Variants in ANGPTL6 observed in about 807,000 individuals in gnomAD.
ANGPTL6 encodes the protein angiopoietin-related protein 6.
ANGPTL6 carries 45 observed loss-of-function variants against 47.4 expected under a neutral mutation model. That is an observed-to-expected ratio of 0.95 (90% CI 0.75 to 1.22). ANGPTL6 has a LOEUF of 1.22. ANGPTL6 is among the 50% of genes most tolerant of loss of function. The pLI is 0.00. For missense variants in ANGPTL6, 698 were observed against 669.4 expected (o/e 1.04, Z -0.47); for synonymous variants, 290 against 295.9 (o/e 0.98, Z 0.20).
At position 10,096,496 on chromosome 19, in the gene ANGPTL6, C is replaced by G; in HGVS notation, c.68G>C (p.Gly23Ala). The change falls in exon 2 of 6, where the codon GGC becomes GCC. Residue 23 changes from glycine (G) to alanine (A), a missense_variant. Coordinates refer to ENST00000253109, the MANE Select transcript of ANGPTL6 (RefSeq NM_031917.3). ...GAAGGTGTAGGTGCAGCGCGGGGCG[C>G]CCGCCCGCGCCCACGACGCGCCCAG... ...LLLGASWARA[G>A]APRCTYTFVL... The G allele has an allele frequency of 6.6e-7, 1 of 1,512,478 alleles. No homozygotes were observed. The highest frequency in any genetic ancestry group is 8.8e-7 in the Non-Finnish European group (1 of 1,137,318). 93.7% of individuals were successfully genotyped at this position (1,512,478 alleles called of 1,614,324 possible).
At chr19:10,103,551 CCGCA>C (rs2088732302), upstream of ANGPTL6, among the ~76,000 whole-genome samples, 1 of 150,600 alleles carries the variant, frequency 6.6e-6, no homozygotes, top group Admixed American at 6.6e-5. Context: ...GATCGAGCAA[CCGCA>C]TGCACTCCAG....
intron 1 of ANGPTL6, among the ~76,000 whole-genome samples, chr19:10,098,654 A>G (rs1366891328): frequency 1.3e-5 from 2 of 152,042 alleles, no homozygotes; most frequent in Non-Finnish European, 2.9e-5. Context: ...GTGAAACCCC[A>G]TCTCTACTGA....
chr19:10,099,563 C>A (rs2088629216), intron 1 of ANGPTL6, among the ~76,000 whole-genome samples: 1 of 108,914 alleles, frequency 9.2e-6, no homozygotes, highest in South Asian at 3.1e-4. Flanking sequence ...GGCAACAGAG[C>A]AAGACTCCAT....
At position 10,093,847 on chromosome 19, in the gene ANGPTL6, G is replaced by C; in HGVS notation, c.797C>G (p.Ala266Gly). Reference protein sequence around the residue: ...PWQDCAEARQAGHEQSGVYEL... With the variant: ...PWQDCAEARQGGHEQSGVYEL... ...ATACACTCCACTCTGTTCATGGCCT[G>C]CCTGGCGGGCCTCTGCACAATCCTG... The change falls in exon 4 of 6, where the codon GCA (alanine) becomes GGA (glycine). Residue 266 changes from alanine to glycine, a missense_variant. Transcript: ENST00000253109. The C allele has an allele frequency of 6.2e-7, 1 of 1,611,192 alleles. No individual in the cohort carries two copies. Among genetic ancestry groups the C allele is most frequent in the Non-Finnish European group, 8.5e-7 (1 of 1,180,030 alleles).
chr19:10,093,994 A>G, intron 3 of ANGPTL6, 114 bp from the exon 4 acceptor site: 2 of 1,126,146 alleles, frequency 1.8e-6, no homozygotes, highest in Non-Finnish European at 2.5e-6. Context: ...TGCCTCTCCC[A>G]CTTTTCTACC....
At chr19:10,102,121 A>G (rs2088696521) in intron 1 of ANGPTL6, among the ~76,000 whole-genome samples, 2 of 149,186 alleles carry the variant, frequency 1.3e-5, no homozygotes, top group South Asian at 4.2e-4. Flanking sequence ...GTCTCAAAAA[A>G]AAAAAAAAAA....
At chr19:10,095,916 G>A (rs896410721) in intron 2 of ANGPTL6, 66 bp downstream of exon 2, 1 of 968,260 alleles carries the variant, frequency 1.0e-6, no homozygotes, top group Non-Finnish European at 1.4e-6. Flanking sequence ...GTGGATAAGA[G>A]ATCGTGGGGT....
At chr19:10,103,401 C>G (rs536252903), upstream of ANGPTL6, among the ~76,000 whole-genome samples, 2 of 151,416 alleles carry the variant, frequency 1.3e-5, no homozygotes, top group Non-Finnish European at 3.0e-5. Flanking sequence ...ACCATCCTTG[C>G]CAACATGCTA....
chr19:10,102,860 G>T, upstream of ANGPTL6: 1 of 799,218 alleles, frequency 1.3e-6, no homozygotes, highest in Non-Finnish European at 1.5e-6. Context: ...ACAGGTCAGT[G>T]TCCTGGACAT....
At chr19:10,104,631 T>C (rs10421370), upstream of ANGPTL6, among the ~76,000 whole-genome samples, 6,206 of 152,192 alleles carry the variant, frequency 0.041, 409 homozygotes, top group African/African-American at 0.14. Context: ...GCATTGGAAC[T>C]ATGCTTTCAT....
At chr19:10,102,312 C>A (rs765936425) in intron 1 of ANGPTL6, among the ~76,000 whole-genome samples, 2 of 151,366 alleles carry the variant, frequency 1.3e-5, no homozygotes, top group Non-Finnish European at 3.0e-5. Flanking sequence ...ACATTTACTT[C>A]TGGACTCAGA....
Position 10,096,539 on chromosome 19 carries a change from G to C in ANGPTL6, c.25C>G (p.Leu9Val). Residue 9 changes from leucine (L) to valine (V), a missense_variant, in exon 2 of 6, where the codon CTA (leucine) becomes GTA (valine). Leu to Val is a conservative substitution (Grantham distance 32, BLOSUM62 1). Coordinates refer to ENST00000253109, the MANE Select transcript of ANGPTL6 (RefSeq NM_031917.3). The stretch of plus-strand genomic sequence containing the variant: ...GCGCCCAGCAGGAGCAGCAGCTGTA[G>C]CGCACGCAGCCAGGGCTTCCCCATC... The part of the protein sequence containing the change: MGKPWLRA[L>V]QLLLLLGASW... 1 of 1,514,820 alleles carries C rather than the reference G, an allele frequency of 6.6e-7. No individual in the cohort carries two copies. Among genetic ancestry groups the C allele is most frequent in the Non-Finnish European group, 8.8e-7 (1 of 1,138,246 alleles). 93.8% of individuals were successfully genotyped at this position (1,514,820 alleles called of 1,614,324 possible). A position where few individuals can be genotyped will look rare whatever the true frequency, so the allele number is the denominator to read the frequency against.
At position 10,093,503 on chromosome 19, in the gene ANGPTL6, T is replaced by C. The variant is rs1276555894; in HGVS notation, c.1068A>G (p.Gly356=). The C allele has an allele frequency of 1.2e-6, 2 of 1,614,044 alleles. No homozygotes were observed. Among genetic ancestry groups the C allele is most frequent in the African/African-American group, 2.7e-5 (2 of 74,932 alleles). The change falls in exon 5 of 6, where the codon GGA becomes GGG. Residue 356 remains glycine, a synonymous_variant. Coordinates refer to ENST00000253109, the MANE Select transcript of ANGPTL6 (RefSeq NM_031917.3). ...AGAAGCCATCATAGTGGGCACGTGC[T>C]CCACGGCCCCCCCAGTCCTCCAGGA... is the stretch of plus-strand genomic sequence containing the variant. ...LVLLEDWGGR[G]ARAHYDGFSL...
In ANGPTL6 at chr19:10,096,892, G is replaced by A. The variant is rs2088559057; in HGVS notation, c.-10-319C>T. On this transcript the variant is annotated intron_variant, in intron 1 of 5. Coordinates refer to ENST00000253109, the MANE Select transcript of ANGPTL6 (RefSeq NM_031917.3). ...GAGGATCGCTTGAGACCAGGAGTTC[G>A]AGACCAGCCTGGGCAACATGGGGAG... is the stretch of plus-strand genomic sequence containing the variant. 2.7e-5 allele frequency among the ~76,000 whole-genome samples: 4 copies of A among 149,306 alleles called. No individual in the cohort carries two copies. In the South Asian group the frequency reaches 6.4e-4, roughly 24 times the overall value.
At chr19:10,105,676 G>GTGCC (rs2088802530), upstream of ANGPTL6, among the ~76,000 whole-genome samples, 1 of 151,964 alleles carries the variant, frequency 6.6e-6, no homozygotes, top group Non-Finnish European at 1.5e-5. Context: ...AGAGAGCAAG[G>GTGCC]AGGGAGAGGA....
Position 10,096,533 on chromosome 19 carries a change from G to A in ANGPTL6, c.31C>T (p.Leu11=). 6.6e-7 allele frequency: 1 copy of A among 1,515,698 alleles called. No individual in the cohort carries two copies. Among genetic ancestry groups the A allele is most frequent in the South Asian group, 1.2e-5 (1 of 83,138 alleles). The allele number at this position is 1,515,698 out of a possible 1,614,324, so 93.9% of individuals were successfully genotyped here. A position where few individuals can be genotyped will look rare whatever the true frequency, so the allele number is the denominator to read the frequency against. The part of the protein sequence containing the change: MGKPWLRALQ[L]LLLLGASWAR... Reference sequence around the variant, plus strand: ...CACGACGCGCCCAGCAGGAGCAGCAGCTGTAGCGCACGCAGCCAGGGCTTC... The same window carrying A: ...CACGACGCGCCCAGCAGGAGCAGCAACTGTAGCGCACGCAGCCAGGGCTTC... Residue 11 remains leucine (L), a synonymous_variant, in exon 2 of 6, where the codon CTG becomes TTG. Transcript: ENST00000253109.
At chr19:10,102,738 G>A, upstream of ANGPTL6, 2 of 984,660 alleles carry the variant, frequency 2.0e-6, no homozygotes, top group Non-Finnish European at 2.4e-6. Flanking sequence ...CCTGGGAGTG[G>A]AGCTGGGATG....
At chr19:10,093,174 C>T in intron 5 of ANGPTL6, 175 bp downstream of exon 5, 1 of 866,336 alleles carries the variant, frequency 1.2e-6, no homozygotes, top group East Asian at 2.5e-5. Context: ...ATCTGGACTC[C>T]CCATCCCCCC....
upstream of ANGPTL6, among the ~76,000 whole-genome samples, chr19:10,104,093 A>G (rs2088755942): frequency 6.6e-6 from 1 of 151,432 alleles, no homozygotes; most frequent in African/African-American, 2.4e-5. Flanking sequence ...AAAAAAAAAA[A>G]AAAAAAAAGA....
Sources: gnomAD v4.1 joint callset for allele counts (sites outside exome capture counted in the v4.1 genomes callset) on GRCh38, gnomAD v4.1.1 for gene constraint, MANE v1.5 for transcripts, NCBI Gene and HGNC (gene_info 2026-07-23, HGNC 2026-07-21) for gene names.